Variants in MAPK10 observed in about 807,000 individuals in gnomAD.
MAPK10 encodes the protein JNK3 alpha protein kinase.
Under a neutral mutation model 59.3 loss-of-function variants are expected in MAPK10, and 25 were observed. The ratio of observed to expected loss-of-function variants is 0.42; its 90% CI spans 0.31 to 0.59. The LOEUF is 0.59. Among genes scored for constraint, MAPK10 ranks in the 20% least tolerant of loss-of-function variants. The pLI is 0.15. For missense variants in MAPK10, 351 were observed against 568.9 expected, an observed-to-expected ratio of 0.62 and a Z score of 3.90; for synonymous variants, 190 against 200.5, an observed-to-expected ratio of 0.95 and a Z score of 0.44.
intron 9 of MAPK10, chr4:86,082,396 A>G (rs2050846433): frequency 6.6e-6 from 1 of 152,192 alleles, no homozygotes; most frequent in South Asian, 2.1e-4. Context: ...CAGCTATGAT[A>G]AAATTCATTA....
intron 1 of MAPK10, among the ~76,000 whole-genome samples, chr4:86,575,317 AATATCTCAG>A (rs1234337070): frequency 2.6e-5 from 4 of 152,158 alleles, no homozygotes; most frequent in African/African-American, 9.7e-5. Context: ...CAATTCCTCT[AATATCTCAG>A]ATATTATGGA....
intron 4 of MAPK10, among the ~76,000 whole-genome samples, chr4:86,131,273 C>A (rs2060951682): frequency 6.6e-6 from 1 of 152,008 alleles, no homozygotes; most frequent in Admixed American, 6.6e-5. Flanking sequence ...GTGTTTTTGC[C>A]TGTTTTGTTT....
chr4:86,320,295 A>T (rs2095864448), intron 2 of MAPK10, among the ~76,000 whole-genome samples: 1 of 152,220 alleles, frequency 6.6e-6, no homozygotes, highest in Non-Finnish European at 1.5e-5. Context: ...ATAAGGTTCC[A>T]CTGCACCTAG....
chr4:86,188,860 G>A (rs761257903), intron 3 of MAPK10, among the ~76,000 whole-genome samples: 6 of 151,864 alleles, frequency 4.0e-5, no homozygotes, highest in South Asian at 2.1e-4. Context: ...TTTCTTCCAC[G>A]GTTTTTACGG....
intron 2 of MAPK10, among the ~76,000 whole-genome samples, chr4:86,259,625 G>C (rs1279407242): frequency 6.6e-6 from 1 of 152,024 alleles, no homozygotes; most frequent in African/African-American, 2.4e-5. Context: ...ATCAAAGAAA[G>C]CCTTGCTTTC....
At chr4:86,180,957 T>C (rs991108625) in intron 3 of MAPK10, among the ~76,000 whole-genome samples, 3 of 152,092 alleles carry the variant, frequency 2.0e-5, no homozygotes, top group African/African-American at 4.8e-5. Context: ...CTATAGTTTA[T>C]ATTATAAATT....
At chr4:86,448,881 G>T (rs571698949) in intron 1 of MAPK10, among the ~76,000 whole-genome samples, 1 of 152,304 alleles carries the variant, frequency 6.6e-6, no homozygotes, top group South Asian at 2.1e-4. Flanking sequence ...AGTCCCATCT[G>T]GGGGTGATAG....
At chr4:86,489,300 A>G (rs151242728) in intron 1 of MAPK10, among the ~76,000 whole-genome samples, 239 of 152,316 alleles carry the variant, frequency 1.6e-3, no homozygotes, top group Middle Eastern at 6.8e-3. Flanking sequence ...ATAACTAATT[A>G]TAGACTCAAG....
chr4:86,064,886 CTTTTT>C (rs2046426511), intron 10 of MAPK10: 1 of 152,200 alleles, frequency 6.6e-6, no homozygotes, highest in Non-Finnish European at 1.5e-5. Flanking sequence ...TTTTTCTTTT[CTTTTT>C]GTTTTTGTTT....
chr4:86,427,659 A>C (rs1370752083), intron 1 of MAPK10, among the ~76,000 whole-genome samples: 1 of 152,248 alleles, frequency 6.6e-6, no homozygotes, highest in Non-Finnish European at 1.5e-5. Context: ...ATTACATAGC[A>C]TTCTCTAACT....
chr4:86,340,798 A>G (rs1307812302), intron 2 of MAPK10, among the ~76,000 whole-genome samples: 2 of 152,226 alleles, frequency 1.3e-5, no homozygotes, highest in African/African-American at 4.8e-5. Context: ...TTTCTAAGCC[A>G]GTGTGACTAA....
rs544356141 is a variant in MAPK10 at position 86,592,448 on chromosome 4, G to C, written c.-263+1462C>G. On this transcript the variant is annotated intron_variant, in intron 1 of 4. Coordinates refer to the MAPK10 transcript ENST00000502302. The stretch of plus-strand genomic sequence containing the variant: ...TGCGGAAATTTACAACACTATACTT[G>C]CTATACCTTCTTTCTGATGTGAATC... 5.3e-5 allele frequency among the ~76,000 whole-genome samples: 8 copies of C among 152,220 alleles called. No homozygotes were observed. The East Asian group carries it at 1.5e-3, about 29-fold the overall frequency.
intron 1 of MAPK10, among the ~76,000 whole-genome samples, chr4:86,507,655 T>TATATATATATATATATATAC (rs1755887058): frequency 4.2e-5 from 3 of 71,266 alleles, no homozygotes; most frequent in African/African-American, 9.7e-5. Flanking sequence ...TATATATATA[T>TATATATATATATATATATAC]ATATATATAT....
intron 2 of MAPK10, among the ~76,000 whole-genome samples, chr4:86,227,485 TAAAA>T (rs557108399): frequency 8.8e-6 from 1 of 114,190 alleles, no homozygotes; most frequent in Admixed American, 9.4e-5. Context: ...AGACTCCCTC[TAAAA>T]AAAAAAAAAA....
chr4:86,175,032 T>C (rs1400982855), intron 3 of MAPK10, among the ~76,000 whole-genome samples: 1 of 152,146 alleles, frequency 6.6e-6, no homozygotes, highest in African/African-American at 2.4e-5. Flanking sequence ...TCACAATTTG[T>C]CTGCAATAAA....
At chr4:86,462,795 G>C (rs531849832) in intron 1 of MAPK10, among the ~76,000 whole-genome samples, 28 of 152,276 alleles carry the variant, frequency 1.8e-4, no homozygotes, top group African/African-American at 6.5e-4. Flanking sequence ...AGCCCTCAAA[G>C]TCAACATATG....
chr4:86,192,916 T>C (rs1414067970), intron 3 of MAPK10: 1 of 152,208 alleles, frequency 6.6e-6, no homozygotes, highest in African/African-American at 2.4e-5. Flanking sequence ...TGGATTTATC[T>C]ACCTTTGGTT....
At chr4:86,545,837 G>A (rs1759106536) in intron 1 of MAPK10, among the ~76,000 whole-genome samples, 1 of 152,212 alleles carries the variant, frequency 6.6e-6, no homozygotes, top group South Asian at 2.1e-4. Flanking sequence ...TAAAAAATTA[G>A]CCATGCATTA....
At chr4:86,428,070 T>C (rs966714290) in intron 1 of MAPK10, among the ~76,000 whole-genome samples, 1 of 152,146 alleles carries the variant, frequency 6.6e-6, no homozygotes, top group Non-Finnish European at 1.5e-5. Context: ...GAGGTTGACT[T>C]TATGGGCAGA....
Sources: allele counts gnomAD v4.1 joint callset (sites outside exome capture counted in the v4.1 genomes callset), GRCh38; gene constraint gnomAD v4.1.1; transcripts MANE v1.5; gene names NCBI Gene and HGNC (gene_info 2026-07-23, HGNC 2026-07-21).